DGKI: variants seen among roughly 807,000 people sequenced by gnomAD.
DGKI encodes diacylglycerol kinase iota, also known as DAG kinase iota.
A neutral mutation model predicts 147.5 loss-of-function variants in DGKI; 55 were observed. The observed-to-expected ratio is 0.37, with a 90% CI of 0.30 to 0.47. DGKI has a LOEUF of 0.47. Ranked by LOEUF, DGKI falls within the 20% of genes least tolerant of loss-of-function variation. The pLI, the probability that DGKI is intolerant of heterozygous loss-of-function variation, is 1.00. For missense variants in DGKI, 1,007 were observed against 1,323.8 expected (o/e 0.76, Z 3.71); for synonymous variants, 469 against 477.1 (o/e 0.98, Z 0.22).
intron 1 of DGKI, among the ~76,000 whole-genome samples, chr7:137,810,441 TA>T (rs1797525951): frequency 6.6e-6 from 1 of 152,208 alleles, no homozygotes; most frequent in Non-Finnish European, 1.5e-5. Context: ...ATTAGGGTCT[TA>T]AATTTTCTCA....
rs187692682 is a variant in DGKI at position 137,735,700 on chromosome 7, G to A, written c.402-45698C>T. ...AAGAAAGCAGAGCAAACTGCATAAG[G>A]ATTCCAAAGCAATTCTGGGAAGAAA... is the stretch of plus-strand genomic sequence containing the variant. On this transcript the variant is annotated intron_variant, in intron 1 of 32. Transcript: ENST00000614521. Among the ~76,000 whole-genome samples, 16 of 152,184 alleles carry A rather than the reference G, an allele frequency of 1.1e-4. No individual in the cohort carries two copies. The East Asian group carries it at 3.1e-3, about 29-fold the overall frequency.
At chr7:137,839,181 T>C (rs1157924322) in intron 1 of DGKI, among the ~76,000 whole-genome samples, 2 of 152,190 alleles carry the variant, frequency 1.3e-5, no homozygotes, top group South Asian at 2.1e-4. Flanking sequence ...GACCTCTGCC[T>C]TCTGTCTGCT....
chr7:137,427,386 G>A (rs1812862463), intron 28 of DGKI, among the ~76,000 whole-genome samples: 1 of 152,146 alleles, frequency 6.6e-6, no homozygotes, highest in African/African-American at 2.4e-5. Flanking sequence ...GAATCTCTGG[G>A]ACACATTCAA....
intron 29 of DGKI, among the ~76,000 whole-genome samples, chr7:137,409,148 G>A (rs1020932642): frequency 2.0e-5 from 3 of 152,136 alleles, no homozygotes; most frequent in African/African-American, 7.2e-5. Flanking sequence ...GTGTGAGGTG[G>A]TGGATATGCT....
rs2293333 is a variant in DGKI at position 137,598,057 on chromosome 7, G to A, written c.1251-150C>T. Reference sequence around the variant, plus strand: ...ATGACAATGCTATCATAGGTCCCAAGTAACCACAGGAAGAATGACTCCCAC... The same window carrying A: ...ATGACAATGCTATCATAGGTCCCAAATAACCACAGGAAGAATGACTCCCAC... On this transcript the variant is annotated intron_variant, in intron 11 of 32. Transcript: ENST00000614521. 1.7e-4 allele frequency: 109 copies of A among 654,120 alleles called. 1 individual carries two copies. In the East Asian group the frequency reaches 2.5e-3, roughly 15 times the overall value. 40.5% of individuals were successfully genotyped at this position (654,120 alleles called of 1,614,324 possible).
At chr7:137,596,515 A>G (rs559217498) in intron 12 of DGKI, among the ~76,000 whole-genome samples, 2 of 152,340 alleles carry the variant, frequency 1.3e-5, no homozygotes, top group African/African-American at 4.8e-5. Flanking sequence ...CTAGAACACT[A>G]AAATCAATTG....
chr7:137,392,020 T>C (rs527248928), intron 32 of DGKI, among the ~76,000 whole-genome samples: 9 of 152,312 alleles, frequency 5.9e-5, no homozygotes, highest in South Asian at 2.1e-4. Context: ...TAACCTTCCA[T>C]TGATAACTAG....
chr7:137,736,152 A>G (rs76637430), intron 1 of DGKI, among the ~76,000 whole-genome samples: 1,959 of 152,262 alleles, frequency 0.013, 54 homozygotes, highest in African/African-American at 0.044. Context: ...TCCTAAGATA[A>G]GCCAAGAGAA....
chr7:137,703,781 T>C (rs1319225213), intron 1 of DGKI, among the ~76,000 whole-genome samples: 1 of 152,050 alleles, frequency 6.6e-6, no homozygotes, highest in Non-Finnish European at 1.5e-5. Flanking sequence ...ATTTCCAGAG[T>C]TGTCACATTG....
At chr7:137,442,633 T>C (rs1813554038) in intron 28 of DGKI, among the ~76,000 whole-genome samples, 1 of 152,226 alleles carries the variant, frequency 6.6e-6, no homozygotes, top group African/African-American at 2.4e-5. Context: ...GTCAATTGCC[T>C]GATCCTGACT....
At chr7:137,705,610 G>A (rs1285837845) in intron 1 of DGKI, among the ~76,000 whole-genome samples, 1 of 152,026 alleles carries the variant, frequency 6.6e-6, no homozygotes, top group Non-Finnish European at 1.5e-5. Context: ...TAACTCTCTG[G>A]AGTGATGCAA....
Position 137,846,791 on chromosome 7 carries a change from T to G in DGKI, c.72A>C (p.Ala24=), listed in dbSNP as rs989763302. ...GGCTGGCGGCGGCGGCGGCGGCGGC[T>G]GCAGGAGCGCGGGCAGGTCCGCGCG... ...PAARGPARAP[A]AAAAAAASPP... The change falls in exon 1 of 33, where the codon GCA becomes GCC. Residue 24 remains alanine (A), a synonymous_variant. Transcript: ENST00000614521. This position sits in a 1 kb window ranked among gnomAD's most constrained non-coding sequence, Gnocchi z 4.0. The G allele has an allele frequency of 3.6e-6, 4 of 1,104,022 alleles. No homozygotes were observed. In the Admixed American group the frequency reaches 1.6e-4, roughly 43 times the overall value. The allele number at this position is 1,104,022 out of a possible 1,614,324, so 68.4% of individuals were successfully genotyped here. A position where few individuals can be genotyped will look rare whatever the true frequency, so the allele number is the denominator to read the frequency against.
At chr7:137,609,706 T>C in intron 8 of DGKI, 97 bp from the exon 9 acceptor site, 1 of 785,900 alleles carries the variant, frequency 1.3e-6, no homozygotes, top group Non-Finnish European at 2.2e-6. Flanking sequence ...CGCATGCTGT[T>C]CCACTGCATG....
intron 1 of DGKI, among the ~76,000 whole-genome samples, chr7:137,730,324 G>C (rs947066333): frequency 1.3e-5 from 2 of 152,038 alleles, no homozygotes; most frequent in African/African-American, 4.8e-5. Context: ...TGGTACCGTG[G>C]TTCACCTCTG....
intron 1 of DGKI, among the ~76,000 whole-genome samples, chr7:137,719,976 G>A (rs542248788): frequency 2.0e-5 from 3 of 152,212 alleles, no homozygotes; most frequent in Non-Finnish European, 2.9e-5. Flanking sequence ...GCATGATTAC[G>A]TGCAGGATAA....
At chr7:137,516,843 T>C (rs1816762578) in intron 21 of DGKI, among the ~76,000 whole-genome samples, 1 of 152,012 alleles carries the variant, frequency 6.6e-6, no homozygotes, top group African/African-American at 2.4e-5. Flanking sequence ...CTGGAAACAA[T>C]TTAAAAAATC....
intron 3 of DGKI, among the ~76,000 whole-genome samples, chr7:137,676,182 T>A (rs773481676): frequency 3.3e-5 from 5 of 152,172 alleles, no homozygotes; most frequent in Non-Finnish European, 7.3e-5. Flanking sequence ...CTTACACTCC[T>A]GGCAGCTGAT....
At chr7:137,427,054 T>C (rs1348898127) in intron 28 of DGKI, among the ~76,000 whole-genome samples, 2 of 151,514 alleles carry the variant, frequency 1.3e-5, no homozygotes, top group Admixed American at 6.6e-5. Context: ...GTGGACCTAA[T>C]AGACATCTAC....
At chr7:137,495,990 C>T (rs181476791) in intron 21 of DGKI, among the ~76,000 whole-genome samples, 2 of 152,100 alleles carry the variant, frequency 1.3e-5, no homozygotes, top group South Asian at 2.1e-4. Context: ...AAATAAAAGG[C>T]ACCCAAATAG....
Sources: allele counts gnomAD v4.1 joint callset (sites outside exome capture counted in the v4.1 genomes callset), GRCh38; gene constraint gnomAD v4.1.1; non-coding constraint Gnocchi (gnomAD v3.1); transcripts MANE v1.5; gene names NCBI Gene and HGNC (gene_info 2026-07-23, HGNC 2026-07-21).